Variants in SCARA3 observed in about 807,000 individuals in gnomAD.
The protein encoded by SCARA3 is cellular stress response gene protein.
A neutral mutation model predicts 47.0 loss-of-function variants in SCARA3; 39 were observed. That is an observed-to-expected ratio of 0.83 (90% CI 0.64 to 1.08). The LOEUF is 1.08. Ranked by LOEUF, SCARA3 falls within the 50% of genes least tolerant of loss-of-function variation. The probability of loss-of-function intolerance (pLI) is 0.00; values close to 1 mark genes in which losing one functional copy is unlikely to be tolerated. For missense variants in SCARA3, 724 were observed against 792.3 expected (o/e 0.91, Z 1.04); for synonymous variants, 356 against 334.1 (o/e 1.07, Z -0.71).
At chr8:27,732,615 C>T in the SCARA3 span, among the ~76,000 whole-genome samples, 1 of 152,316 alleles carries the variant, frequency 6.6e-6, no homozygotes, top group East Asian at 1.9e-4. Flanking sequence ...CTAGTATATA[C>T]ACACATCTCT....
chr8:27,698,524 G>T, the SCARA3 span, among the ~76,000 whole-genome samples: 631 of 152,094 alleles, frequency 4.1e-3, 6 homozygotes, highest in African/African-American at 0.015. Flanking sequence ...CCTCCCCAAC[G>T]AAATAAGACA....
At chr8:27,665,406 A>T (rs567005932) in intron 5 of SCARA3, among the ~76,000 whole-genome samples, 2 of 152,342 alleles carry the variant, frequency 1.3e-5, no homozygotes, top group South Asian at 4.1e-4. Flanking sequence ...TCTGCAGGGT[A>T]ATTTCAGTGT....
chr8:27,707,480 C>CAAA, the SCARA3 span, among the ~76,000 whole-genome samples: 3 of 149,094 alleles, frequency 2.0e-5, no homozygotes. Context: ...ATTAATAAGT[C>CAAA]AAAAAAAAAC....
chr8:27,697,871 C>G, the SCARA3 span, among the ~76,000 whole-genome samples: 636 of 152,276 alleles, frequency 4.2e-3, 8 homozygotes, highest in African/African-American at 0.015. Flanking sequence ...GCCTCCCCAG[C>G]CATACAGACC....
At chr8:27,726,700 C>CA in the SCARA3 span, among the ~76,000 whole-genome samples, 14 of 150,878 alleles carry the variant, frequency 9.3e-5, no homozygotes, top group East Asian at 5.8e-4. Flanking sequence ...AACTCCGTCT[C>CA]AAAAAAAATA....
At chr8:27,723,995 C>T in the SCARA3 span, among the ~76,000 whole-genome samples, 805 of 152,300 alleles carry the variant, frequency 5.3e-3, 22 homozygotes, top group East Asian at 0.1. Context: ...CTCAGCCTCT[C>T]GAAGTGCTGG....
At chr8:27,685,741 A>G in the SCARA3 span, among the ~76,000 whole-genome samples, 1 of 152,166 alleles carries the variant, frequency 6.6e-6, no homozygotes, top group African/African-American at 2.4e-5. Flanking sequence ...TTGATTTGTC[A>G]AAAAAAGAAA....
chr8:27,700,810 C>A, the SCARA3 span, among the ~76,000 whole-genome samples: 1 of 152,026 alleles, frequency 6.6e-6, no homozygotes, highest in South Asian at 2.1e-4. Flanking sequence ...TGTGGAGCAA[C>A]GAGAACTCTC....
At chr8:27,715,859 TAGATACATAG>T in the SCARA3 span, among the ~76,000 whole-genome samples, 1 of 92,214 alleles carries the variant, frequency 1.1e-5, no homozygotes, top group African/African-American at 4.6e-5. The surrounding 1 kb of genome is among the most constrained non-coding windows in gnomAD (Gnocchi z 4.2). Flanking sequence ...GATAGATAGA[TAGATACATAG>T]ATAGATAGAT....
At chr8:27,705,006 A>G in the SCARA3 span, among the ~76,000 whole-genome samples, 2 of 152,138 alleles carry the variant, frequency 1.3e-5, no homozygotes, top group Non-Finnish European at 1.5e-5. Flanking sequence ...TCTCCCCAGG[A>G]GGGCAGCATC....
the SCARA3 span, among the ~76,000 whole-genome samples, chr8:27,720,803 T>C: frequency 3.3e-5 from 5 of 151,714 alleles, no homozygotes; most frequent in Admixed American, 3.3e-4. Flanking sequence ...CATTCATTCA[T>C]CTATCCATTC....
intron 3 of SCARA3, among the ~76,000 whole-genome samples, chr8:27,652,503 G>A (rs1801653565): frequency 6.6e-6 from 1 of 152,194 alleles, no homozygotes; most frequent in Admixed American, 6.5e-5. Flanking sequence ...GAGGCTCCGA[G>A]GGGGGCCCCC....
At position 27,667,484 on chromosome 8, in the gene SCARA3, T is replaced by C. The variant is rs1013766812; in HGVS notation, c.1370-3416T>C. Among the ~76,000 whole-genome samples, 17 of 151,886 alleles carry C rather than the reference T, an allele frequency of 1.1e-4. No homozygotes were observed. The East Asian group carries it at 1.5e-3, about 14-fold the overall frequency. On this transcript the variant is annotated intron_variant, in intron 5 of 5. Coordinates refer to ENST00000301904, the MANE Select transcript of SCARA3 (RefSeq NM_016240.3). ...TCCCTCCTCCAGGCAGTGCTGGGAGTGGCACAGGAGCCAAGGTAGCGGCAT... is the reference window on the plus strand; with the variant it reads ...TCCCTCCTCCAGGCAGTGCTGGGAGCGGCACAGGAGCCAAGGTAGCGGCAT...
At chr8:27,634,859 C>G (rs1662461817) in intron 1 of SCARA3, among the ~76,000 whole-genome samples, 1 of 152,204 alleles carries the variant, frequency 6.6e-6, no homozygotes, top group Non-Finnish European at 1.5e-5. Context: ...GAAATAAGAA[C>G]CAGACATGAT....
At position 27,658,849 on chromosome 8, in the gene SCARA3, G is replaced by A. The variant is rs200594740; in HGVS notation, c.679G>A (p.Val227Met). 63 of 1,614,046 alleles carry A rather than the reference G, an allele frequency of 3.9e-5. No individual in the cohort carries two copies. Among genetic ancestry groups the A allele is most frequent in the Middle Eastern group, 3.3e-4 (2 of 6,084 alleles). Residue 227 changes from valine (V) to methionine (M), a missense_variant, in exon 5 of 6, where the codon GTG becomes ATG. By Grantham distance (21) the Val-to-Met change is conservative (BLOSUM62 1). Coordinates refer to ENST00000301904, the MANE Select transcript of SCARA3 (RefSeq NM_016240.3). The stretch of plus-strand genomic sequence containing the variant: ...TGCAGTGCACCAGATCAACTTCACC[G>A]TGGGGCAGACTTCCGAGTGGATCCA... ...KAAVHQINFTVGQTSEWIHGI... is the reference protein window; with the variant it reads ...KAAVHQINFTMGQTSEWIHGI...
intron 1 of SCARA3, among the ~76,000 whole-genome samples, chr8:27,635,355 G>T (rs1029173607): frequency 2.0e-5 from 3 of 152,146 alleles, no homozygotes; most frequent in African/African-American, 7.2e-5. Context: ...GGTAGGGCTG[G>T]CTTCATGGCT....
intron 3 of SCARA3, among the ~76,000 whole-genome samples, chr8:27,655,487 C>G (rs1321670841): frequency 6.6e-6 from 1 of 152,068 alleles, no homozygotes; most frequent in Non-Finnish European, 1.5e-5. Context: ...CAACATGGCC[C>G]CCTTAGTAGA....
Position 27,671,791 on chromosome 8 carries a change from A to T in SCARA3, c.*440A>T, listed in dbSNP as rs187119101. 209 of 991,456 alleles carry T rather than the reference A, an allele frequency of 2.1e-4. 1 individual carries two copies. The African/African-American group carries it at 3.2e-3, about 15-fold the overall frequency. The allele number at this position is 991,456 out of a possible 1,614,324, so 61.4% of individuals were successfully genotyped here. A position where few individuals can be genotyped will look rare whatever the true frequency, so the allele number is the denominator to read the frequency against. ...ACGCACACACACATGCACTGCACAC[A>T]TATCCATGCACACAAACACATATAT... On this transcript the variant is annotated 3_prime_UTR_variant, in exon 6 of 6. Transcript: ENST00000301904.
At chr8:27,728,475 T>G in the SCARA3 span, among the ~76,000 whole-genome samples, 2 of 152,170 alleles carry the variant, frequency 1.3e-5, no homozygotes, top group Non-Finnish European at 2.9e-5. Context: ...TTTCTCTGAC[T>G]CCTGCCCTCT....
Sources: allele counts gnomAD v4.1 joint callset (sites outside exome capture counted in the v4.1 genomes callset), GRCh38; gene constraint gnomAD v4.1.1; non-coding constraint Gnocchi (gnomAD v3.1); transcripts MANE v1.5; gene names NCBI Gene and HGNC (gene_info 2026-07-23, HGNC 2026-07-21).